SLC12A2: variants seen among roughly 807,000 people sequenced by gnomAD.
The protein encoded by SLC12A2 is solute carrier family 12 member 2.
Under a neutral mutation model 136.3 loss-of-function variants are expected in SLC12A2, and 67 were observed. That is an observed-to-expected ratio of 0.49 (90% CI 0.40 to 0.60). SLC12A2 has a LOEUF of 0.60. Among genes scored for constraint, SLC12A2 ranks in the 20% least tolerant of loss-of-function variants. SLC12A2 has a pLI of 0.00. For synonymous variants in SLC12A2, 619 were observed against 562.9 expected (o/e 1.10, Z -1.41); for missense variants, 1,322 against 1,534.7 (o/e 0.86, Z 2.32).
At chr5:128,173,848 A>G (rs1719568860) in intron 19 of SLC12A2, among the ~76,000 whole-genome samples, 1 of 152,162 alleles carries the variant, frequency 6.6e-6, no homozygotes, top group Non-Finnish European at 1.5e-5. Context: ...TATGGTGGAA[A>G]CTAAATCTTT....
At chr5:128,168,853 TAACAAGCCTGGCTCATTACTGGTCCATGA>T (rs1214052855) in intron 18 of SLC12A2, 1 of 152,198 alleles carries the variant, frequency 6.6e-6, no homozygotes, top group Non-Finnish European at 1.5e-5. Flanking sequence ...ACCCAGTTCC[TAACAAGCCTGGCTCATTACTGGTCCATGA>T]CCCAGGTATT....
chr5:128,114,580 G>T lies in SLC12A2; in HGVS notation c.953-6G>T, dbSNP rs757860486. The T allele has an allele frequency of 3.2e-6, 5 of 1,583,778 alleles. No homozygotes were observed. In the East Asian group the frequency reaches 9.0e-5, roughly 28 times the overall value. On this transcript the variant is annotated splice_region_variant and splice_polypyrimidine_tract_variant and intron_variant, in intron 3 of 26. Coordinates refer to ENST00000262461, the MANE Select transcript of SLC12A2 (RefSeq NM_001046.3). ...GTATTCTCATTGTCTTTCTTTCTTC[G>T]TAAAGGTCTATCAGTCCTTGTAATA...
chr5:128,137,872 T>G (rs1434426673), intron 7 of SLC12A2, among the ~76,000 whole-genome samples: 2 of 151,940 alleles, frequency 1.3e-5, no homozygotes, highest in Non-Finnish European at 1.5e-5. Context: ...TCTATACAGA[T>G]AGTAAAGTAA....
Position 128,141,861 on chromosome 5 carries a change from C to T in SLC12A2, c.1653C>T (p.Asn551=), listed in dbSNP as rs182493575. 44 of 1,613,430 alleles carry T rather than the reference C, an allele frequency of 2.7e-5. 1 individual carries two copies. Among genetic ancestry groups the T allele is most frequent in the Middle Eastern group, 1.6e-4 (1 of 6,062 alleles). ...GSCVVRDATG[N]VNDTIVTELT... is the part of the protein sequence containing the mutation. Reference sequence around the variant, plus strand: ...GTGTTGTTCGAGATGCCACTGGAAACGTTAATGACACTATCGTAACAGAGC... The same window carrying T: ...GTGTTGTTCGAGATGCCACTGGAAATGTTAATGACACTATCGTAACAGAGC... The change falls in exon 10 of 27, where the codon AAC becomes AAT. Residue 551 remains asparagine (N), a synonymous_variant. Transcript: ENST00000262461.
Position 128,174,670 on chromosome 5 carries a change from A to G in SLC12A2, c.2929+4A>G. The G allele has an allele frequency of 6.3e-7, 1 of 1,580,264 alleles. No homozygotes were observed. Among genetic ancestry groups the G allele is most frequent in the Middle Eastern group, 1.7e-4 (1 of 5,816 alleles). ...GAAAAACCAATTACACACAAAGGTAATTTTCATTCAAACAATAAGTCTTAT... is the reference window on the plus strand; with the variant it reads ...GAAAAACCAATTACACACAAAGGTAGTTTTCATTCAAACAATAAGTCTTAT... On this transcript the variant is annotated splice_donor_region_variant and intron_variant, in intron 20 of 26. Transcript: ENST00000262461.
chr5:128,142,066 C>T (rs780254955), intron 10 of SLC12A2, 85 bp downstream of exon 10: 111 of 1,132,060 alleles, frequency 9.8e-5, no homozygotes, highest in Non-Finnish European at 1.4e-4. Context: ...CAGAATATAG[C>T]TGTAACATAG....
In SLC12A2 at chr5:128,184,549, C is replaced by T. The variant is rs778213016; in HGVS notation, c.3435+48C>T. On this transcript the variant is annotated intron_variant, in intron 25 of 26. Transcript: ENST00000262461. ...CATTAATCTTTTATATAATAAAAGA[C>T]ATGAAAACCAAGAACTTTAATTTGA... is the stretch of plus-strand genomic sequence containing the variant. 1.3e-5 allele frequency: 19 copies of T among 1,459,390 alleles called. No homozygotes were observed. The East Asian group carries it at 4.0e-4, about 31-fold the overall frequency. The allele number at this position is 1,459,390 out of a possible 1,614,324, so 90.4% of individuals were successfully genotyped here. A position where few individuals can be genotyped will look rare whatever the true frequency, so the allele number is the denominator to read the frequency against.
At chr5:128,111,786 A>G (rs988425725) in intron 1 of SLC12A2, among the ~76,000 whole-genome samples, 1 of 145,636 alleles carries the variant, frequency 6.9e-6, no homozygotes, top group Admixed American at 6.9e-5. Context: ...AAAAAAGTGT[A>G]CGCATATATA....
intron 10 of SLC12A2, among the ~76,000 whole-genome samples, chr5:128,146,943 A>G (rs1218574339): frequency 6.6e-6 from 1 of 151,742 alleles, no homozygotes; most frequent in East Asian, 1.9e-4. Flanking sequence ...AAGCAATACA[A>G]TGATGATGAA....
intron 25 of SLC12A2, 34 bp from the exon 26 acceptor site, chr5:128,184,755 A>G (rs1445703747): frequency 2.5e-6 from 4 of 1,609,988 alleles, no homozygotes; most frequent in African/African-American, 1.3e-5. Flanking sequence ...TTATTTCCAC[A>G]TGGTCTAGGA....
At chr5:128,094,084 A>G (rs553926397) in intron 1 of SLC12A2, among the ~76,000 whole-genome samples, 53 of 152,024 alleles carry the variant, frequency 3.5e-4, no homozygotes, top group Admixed American at 8.5e-4. Context: ...TTCATCCTCC[A>G]GTCTAGAACA....
chr5:128,099,768 G>T (rs1298031004), intron 1 of SLC12A2, among the ~76,000 whole-genome samples: 1 of 152,038 alleles, frequency 6.6e-6, no homozygotes, highest in Non-Finnish European at 1.5e-5. Context: ...GCCTATAAAG[G>T]TTCAAGATCA....
intron 9 of SLC12A2, among the ~76,000 whole-genome samples, chr5:128,139,511 G>A (rs1762292492): frequency 6.6e-6 from 1 of 152,122 alleles, no homozygotes; most frequent in Admixed American, 6.5e-5. Context: ...GACTTAAGTG[G>A]TCAACCAGTC....
intron 10 of SLC12A2, among the ~76,000 whole-genome samples, chr5:128,145,419 A>C (rs1168873635): frequency 6.6e-6 from 1 of 152,108 alleles, no homozygotes; most frequent in East Asian, 1.9e-4. Flanking sequence ...ATTCATTTTA[A>C]TCTTGACTCA....
At chr5:128,156,682 T>A (rs961627119) in intron 15 of SLC12A2, among the ~76,000 whole-genome samples, 2 of 152,216 alleles carry the variant, frequency 1.3e-5, no homozygotes, top group African/African-American at 4.8e-5. Flanking sequence ...AGATGTTTCA[T>A]AGCAGGTAAG....
chr5:128,108,684 C>T (rs1366625366), intron 1 of SLC12A2, among the ~76,000 whole-genome samples: 1 of 152,088 alleles, frequency 6.6e-6, no homozygotes, highest in South Asian at 2.1e-4. Flanking sequence ...TAAAAATATT[C>T]CACAGTTGAT....
intron 24 of SLC12A2, among the ~76,000 whole-genome samples, 155 bp from the exon 25 acceptor site, chr5:128,184,211 A>G (rs1035877034): frequency 6.6e-6 from 1 of 152,072 alleles, no homozygotes; most frequent in African/African-American, 2.4e-5. Context: ...TGTTTTTGAA[A>G]TAAATTGCCA....
rs115686375 is a variant in SLC12A2 at position 128,182,833 on chromosome 5, A to G, written c.3213-22A>G. The G allele has an allele frequency of 1.8e-3, 2,748 of 1,541,662 alleles. 51 individuals carry two copies. In the African/African-American group the frequency reaches 0.032, roughly 18 times the overall value. ...ATAGAATGAAAATACTTGTATCTTA[A>G]TTCTATTTATTTTTGTTGTAGGATG... On this transcript the variant is annotated intron_variant, in intron 23 of 26. Transcript: ENST00000262461.
chr5:128,084,101 G>A lies in SLC12A2; in HGVS notation c.147G>A (p.Ala49=), dbSNP rs555325149. Residue 49 remains alanine, a synonymous_variant, in exon 1 of 27, where the codon GCG becomes GCA. Coordinates refer to ENST00000262461, the MANE Select transcript of SLC12A2 (RefSeq NM_001046.3). This position sits in a 1 kb window ranked among gnomAD's most constrained non-coding sequence, Gnocchi z 5.6. ...VPSVPEDAAP[A]SRDGGGVRDE... Reference sequence around the variant, plus strand: ...CGGTGCCGGAGGATGCTGCGCCCGCGAGCCGGGACGGCGGCGGGGTCCGCG... The same window carrying A: ...CGGTGCCGGAGGATGCTGCGCCCGCAAGCCGGGACGGCGGCGGGGTCCGCG... 4.6e-6 allele frequency: 6 copies of A among 1,313,432 alleles called. No homozygotes were observed. The highest frequency in any genetic ancestry group is 1.5e-5 in the African/African-American group (1 of 64,984). 81.4% of individuals were successfully genotyped at this position (1,313,432 alleles called of 1,614,324 possible).
Sources: gnomAD v4.1 joint callset for allele counts (sites outside exome capture counted in the v4.1 genomes callset) on GRCh38, gnomAD v4.1.1 for gene constraint, Gnocchi (gnomAD v3.1) non-coding constraint, MANE v1.5 for transcripts, NCBI Gene and HGNC (gene_info 2026-07-23, HGNC 2026-07-21) for gene names.